Variants in CDH13 observed in about 807,000 individuals in gnomAD.
The protein encoded by CDH13 is cadherin-13.
In CDH13, 24 loss-of-function variants were observed where a neutral mutation model predicts 63.8. That is an observed-to-expected ratio of 0.38 (90% CI 0.27 to 0.53). CDH13 has a LOEUF of 0.53. Among genes scored for constraint, CDH13 ranks in the 20% least tolerant of loss-of-function variants. The pLI is 0.85. For missense variants in CDH13, 1,049 were observed against 903.1 expected (o/e 1.16, Z -2.07); for synonymous variants, 503 against 355.3 (o/e 1.42, Z -4.67).
intron 1 of CDH13, among the ~76,000 whole-genome samples, chr16:82,739,085 GT>G (rs1211154181): frequency 6.6e-6 from 1 of 152,166 alleles, no homozygotes; most frequent in Non-Finnish European, 1.5e-5. Context: ...CTGTGCCCTG[GT>G]TATGATTGAG....
At chr16:83,226,849 C>T (rs553431961) in intron 5 of CDH13, among the ~76,000 whole-genome samples, 50 of 151,656 alleles carry the variant, frequency 3.3e-4, no homozygotes, top group Non-Finnish European at 5.3e-4. Context: ...TGCAGGGGCA[C>T]GGTGGGGGAC....
intron 3 of CDH13, among the ~76,000 whole-genome samples, chr16:83,114,436 C>G (rs942121379): frequency 6.6e-6 from 1 of 152,204 alleles, no homozygotes; most frequent in African/African-American, 2.4e-5. Flanking sequence ...TAATTTACAA[C>G]AGCTTATTGG....
chr16:83,047,308 A>G lies in CDH13; in HGVS notation c.366+15090A>G, dbSNP rs999240118. On this transcript the variant is annotated intron_variant, in intron 3 of 13. Coordinates refer to ENST00000567109, the MANE Select transcript of CDH13 (RefSeq NM_001257.5). This position sits in a 1 kb window ranked among gnomAD's most constrained non-coding sequence, Gnocchi z 4.9. ...TTAAGTCATCTAATCAAAATGCATTATTTCTGTCCTTGCATTGTCCATTCT... is the reference window on the plus strand; with the variant it reads ...TTAAGTCATCTAATCAAAATGCATTGTTTCTGTCCTTGCATTGTCCATTCT... Among the ~76,000 whole-genome samples, 4 of 152,126 alleles carry G rather than the reference A, an allele frequency of 2.6e-5. No individual in the cohort carries two copies. Among genetic ancestry groups the G allele is most frequent in the Non-Finnish European group, 5.9e-5 (4 of 68,024 alleles).
At chr16:82,646,854 C>G (rs776999154) in intron 1 of CDH13, among the ~76,000 whole-genome samples, 4 of 152,034 alleles carry the variant, frequency 2.6e-5, no homozygotes, top group African/African-American at 4.8e-5. Flanking sequence ...AAGCCTGAGT[C>G]CAGATCTGAA....
chr16:83,768,418 A>G (rs187128263), intron 11 of CDH13, among the ~76,000 whole-genome samples: 2 of 152,210 alleles, frequency 1.3e-5, no homozygotes, highest in East Asian at 3.9e-4. Context: ...GCACACAGCA[A>G]ATCAATATGC....
chr16:83,010,857 G>A (rs1914080997), intron 2 of CDH13, among the ~76,000 whole-genome samples: 1 of 152,194 alleles, frequency 6.6e-6, no homozygotes, highest in Admixed American at 6.5e-5. Flanking sequence ...GTAGCAAACA[G>A]CTCTTTGGTT....
chr16:82,682,491 A>G (rs1229017955), intron 1 of CDH13, among the ~76,000 whole-genome samples: 1 of 152,240 alleles, frequency 6.6e-6, no homozygotes, highest in Non-Finnish European at 1.5e-5. Flanking sequence ...GAAATACTCC[A>G]TTACATGTAT....
At position 83,679,632 on chromosome 16, in the gene CDH13, T is replaced by C. The variant is rs181467818; in HGVS notation, c.1538+1171T>C. Among the ~76,000 whole-genome samples the C allele has an allele frequency of 6.6e-5, 10 of 152,354 alleles. No individual in the cohort carries two copies. The East Asian group carries it at 1.9e-3, about 29-fold the overall frequency. On this transcript the variant is annotated intron_variant, in intron 10 of 13. Transcript: ENST00000567109. The stretch of plus-strand genomic sequence containing the variant: ...GAATCTGAAATAGCCATTCTTTTTT[T>C]TCTTGTTGCTATCTGACAATGGAAA...
intron 2 of CDH13, among the ~76,000 whole-genome samples, chr16:82,911,726 G>A (rs1478195575): frequency 6.6e-6 from 1 of 151,982 alleles, no homozygotes; most frequent in Non-Finnish European, 1.5e-5. Flanking sequence ...TTCCCTTACG[G>A]CCCCTTACTC....
chr16:82,814,867 C>T (rs1027203603), intron 1 of CDH13, among the ~76,000 whole-genome samples: 1 of 152,028 alleles, frequency 6.6e-6, no homozygotes, highest in Non-Finnish European at 1.5e-5. Context: ...GCTTTATCTC[C>T]AGGTAGATAT....
intron 1 of CDH13, among the ~76,000 whole-genome samples, chr16:82,809,524 C>G (rs913340879): frequency 9.2e-5 from 14 of 152,196 alleles, no homozygotes; most frequent in African/African-American, 3.1e-4. Flanking sequence ...TGATGACGCT[C>G]AAATCTATCA....
chr16:82,839,640 G>A (rs910620927), intron 1 of CDH13, among the ~76,000 whole-genome samples: 1 of 152,112 alleles, frequency 6.6e-6, no homozygotes. Context: ...ACTAAATACA[G>A]TGGCCAGATG....
intron 1 of CDH13, among the ~76,000 whole-genome samples, chr16:82,792,254 C>G (rs1160220961): frequency 6.6e-6 from 1 of 152,178 alleles, no homozygotes; most frequent in African/African-American, 2.4e-5. Flanking sequence ...AACTGTCTGC[C>G]TTTCCCAGTA....
At chr16:83,449,077 G>A (rs1289249238) in intron 6 of CDH13, among the ~76,000 whole-genome samples, 1 of 152,196 alleles carries the variant, frequency 6.6e-6, no homozygotes, top group Non-Finnish European at 1.5e-5. Context: ...AGGGCAATGT[G>A]TGTATGATCA....
intron 10 of CDH13, among the ~76,000 whole-genome samples, chr16:83,720,649 C>T (rs1307867710): frequency 6.6e-6 from 1 of 152,148 alleles, no homozygotes; most frequent in Non-Finnish European, 1.5e-5. Flanking sequence ...GGCAGACCAT[C>T]TCGTTTTCAC....
At chr16:82,783,569 GA>G (rs1273585613) in intron 1 of CDH13, among the ~76,000 whole-genome samples, 1 of 152,212 alleles carries the variant, frequency 6.6e-6, no homozygotes, top group African/African-American at 2.4e-5. Flanking sequence ...TTACTCCTTT[GA>G]AAAATGTGTG....
At chr16:83,225,562 T>G (rs750145) in intron 5 of CDH13, among the ~76,000 whole-genome samples, 1 of 152,060 alleles carries the variant, frequency 6.6e-6, no homozygotes, top group South Asian at 2.1e-4. Context: ...ATGTAATTCC[T>G]GATAGGGGAA....
At chr16:83,370,188 C>T (rs1041592370) in intron 6 of CDH13, among the ~76,000 whole-genome samples, 1 of 152,086 alleles carries the variant, frequency 6.6e-6, no homozygotes, top group Non-Finnish European at 1.5e-5. Context: ...GAGATTGAGA[C>T]CATCCTGGCT....
intron 6 of CDH13, among the ~76,000 whole-genome samples, chr16:83,422,360 C>T (rs147237166): frequency 1.6e-3 from 238 of 152,250 alleles, no homozygotes; most frequent in Non-Finnish European, 1.0e-3. Flanking sequence ...GTTTAGGAGA[C>T]ATTCAGTGAA....
Sources: gnomAD v4.1 joint callset for allele counts (sites outside exome capture counted in the v4.1 genomes callset) on GRCh38, gnomAD v4.1.1 for gene constraint, Gnocchi (gnomAD v3.1) non-coding constraint, MANE v1.5 for transcripts, NCBI Gene and HGNC (gene_info 2026-07-23, HGNC 2026-07-21) for gene names.